Variants in ERBB4 observed in about 807,000 individuals in gnomAD.
ERBB4 encodes the protein receptor tyrosine-protein kinase erbB-4.
Under a neutral mutation model 158.0 loss-of-function variants are expected in ERBB4, and 42 were observed. The ratio of observed to expected loss-of-function variants is 0.27; its 90% confidence interval spans 0.21 to 0.34. The LOEUF (loss-of-function observed/expected upper bound fraction) is 0.34, where lower values mean the gene tolerates loss of function less well. ERBB4 is among the 10% of genes least tolerant of loss of function. The pLI is 1.00. For missense variants in ERBB4, 1,333 were observed against 1,624.1 expected (o/e 0.82, Z 3.08); for synonymous variants, 583 against 558.7 (o/e 1.04, Z -0.61).
chr2:211,501,547 T>A (rs1317668362), intron 20 of ERBB4, among the ~76,000 whole-genome samples: 8 of 151,942 alleles, frequency 5.3e-5, no homozygotes, highest in East Asian at 1.9e-4. Context: ...GTGTTTTTTT[T>A]AGAAAACAAT....
Position 211,842,671 on chromosome 2 carries a change from T to C in ERBB4, c.422-54512A>G, listed in dbSNP as rs1022971092. On this transcript the variant is annotated intron_variant, in intron 3 of 27. Transcript: ENST00000342788. ...GGAATAGTCTTTGAAATTAGAAATA[T>C]CACCTCACCTCCCGCCACTGACACA... Among the ~76,000 whole-genome samples the C allele has an allele frequency of 4.6e-5, 7 of 152,048 alleles. No individual in the cohort carries two copies. In the South Asian group the frequency reaches 8.3e-4, roughly 18 times the overall value.
intron 20 of ERBB4, among the ~76,000 whole-genome samples, chr2:211,472,090 T>C (rs1209707085): frequency 1.3e-5 from 2 of 152,028 alleles, no homozygotes; most frequent in Non-Finnish European, 2.9e-5. Flanking sequence ...TTTAAAAGAT[T>C]AAGCAATTTG....
At chr2:211,641,572 A>C (rs2070593207) in intron 16 of ERBB4, among the ~76,000 whole-genome samples, 1 of 152,150 alleles carries the variant, frequency 6.6e-6, no homozygotes, top group African/African-American at 2.4e-5. Flanking sequence ...AAAATTTGAC[A>C]TTAAATATTA....
chr2:211,920,996 A>C (rs1473444671), intron 3 of ERBB4, among the ~76,000 whole-genome samples: 1 of 152,000 alleles, frequency 6.6e-6, no homozygotes, highest in African/African-American at 2.4e-5. Flanking sequence ...TTTAAGCACA[A>C]ATATATATAA....
chr2:212,502,654 G>A (rs1348937259), intron 1 of ERBB4, among the ~76,000 whole-genome samples: 1 of 152,110 alleles, frequency 6.6e-6, no homozygotes, highest in African/African-American at 2.4e-5. Flanking sequence ...TCTTAGAGTT[G>A]GGTATGTCAA....
chr2:212,527,470 A>G (rs1467009674), intron 1 of ERBB4, among the ~76,000 whole-genome samples: 1 of 152,046 alleles, frequency 6.6e-6, no homozygotes, highest in Non-Finnish European at 1.5e-5. Context: ...AAAATTGTAT[A>G]ATGACACCCA....
At chr2:211,641,677 A>G (rs551898026) in intron 16 of ERBB4, among the ~76,000 whole-genome samples, 2 of 152,172 alleles carry the variant, frequency 1.3e-5, no homozygotes, top group African/African-American at 4.8e-5. Flanking sequence ...GGTAGTTTTT[A>G]TAGAAGAAAC....
At chr2:211,523,288 C>T (rs2066239753) in intron 20 of ERBB4, among the ~76,000 whole-genome samples, 1 of 146,940 alleles carries the variant, frequency 6.8e-6, no homozygotes, top group Admixed American at 7.1e-5. Flanking sequence ...AATGCAACCC[C>T]TCACACATCC....
intron 2 of ERBB4, among the ~76,000 whole-genome samples, chr2:212,104,822 A>C (rs1303143718): frequency 6.6e-6 from 1 of 152,176 alleles, no homozygotes; most frequent in Non-Finnish European, 1.5e-5. Flanking sequence ...CAAAATTGAA[A>C]AAATAAGTAT....
intron 25 of ERBB4, among the ~76,000 whole-genome samples, chr2:211,410,212 A>G (rs3828242): frequency 0.22 from 33,766 of 152,130 alleles, 4,460 homozygotes; most frequent in East Asian, 0.3. Context: ...ATACGCAATG[A>G]ATAATGTATT....
chr2:212,440,771 G>C (rs187782788), intron 1 of ERBB4, among the ~76,000 whole-genome samples: 1 of 152,220 alleles, frequency 6.6e-6, no homozygotes, highest in African/African-American at 2.4e-5. Flanking sequence ...CCACTCGTGA[G>C]AGGCAAAGAG....
chr2:211,606,810 T>C (rs2068997971), intron 19 of ERBB4, among the ~76,000 whole-genome samples: 2 of 152,180 alleles, frequency 1.3e-5, no homozygotes, highest in African/African-American at 4.8e-5. Context: ...ATTAAGTAAG[T>C]GAATGCTGCA....
Position 211,638,050 on chromosome 2 carries a change from T to G in ERBB4, c.1947-7456A>C, listed in dbSNP as rs2070426578. Among the ~76,000 whole-genome samples, 3 of 152,154 alleles carry G rather than the reference T, an allele frequency of 2.0e-5. No homozygotes were observed. In the South Asian group the frequency reaches 6.2e-4, roughly 31 times the overall value. Reference sequence around the variant, plus strand: ...TTTATCTGTATTGCTATATTCATTGTGATTTACTTTTATTAAATCCTTTAT... The same window carrying G: ...TTTATCTGTATTGCTATATTCATTGGGATTTACTTTTATTAAATCCTTTAT... On this transcript the variant is annotated intron_variant, in intron 16 of 27. Transcript: ENST00000342788.
intron 1 of ERBB4, among the ~76,000 whole-genome samples, chr2:212,179,723 T>A (rs576994406): frequency 7.3e-5 from 11 of 151,632 alleles, no homozygotes; most frequent in Non-Finnish European, 1.3e-4. Context: ...CTATAAATCA[T>A]AGATGATAGA....
intron 12 of ERBB4, among the ~76,000 whole-genome samples, chr2:211,694,323 T>A (rs974426703): frequency 1.2e-4 from 19 of 152,268 alleles, no homozygotes; most frequent in African/African-American, 4.6e-4. Flanking sequence ...CAGGTTAAAA[T>A]ATCACCCACC....
At chr2:211,396,903 G>A (rs372672559) in intron 25 of ERBB4, among the ~76,000 whole-genome samples, 5 of 152,154 alleles carry the variant, frequency 3.3e-5, no homozygotes, top group African/African-American at 9.7e-5. Context: ...AGCTGTTGCC[G>A]TAAGTAAAAA....
At chr2:211,861,085 A>AT (rs1318788651) in intron 3 of ERBB4, among the ~76,000 whole-genome samples, 23 of 41,528 alleles carry the variant, frequency 5.5e-4, no homozygotes, top group South Asian at 8.3e-4. Flanking sequence ...TATATATTAT[A>AT]AAATATATAA....
At chr2:211,885,538 C>T (rs1455864337) in intron 3 of ERBB4, among the ~76,000 whole-genome samples, 1 of 152,014 alleles carries the variant, frequency 6.6e-6, no homozygotes, top group Non-Finnish European at 1.5e-5. Context: ...TCACTGCAAC[C>T]TCAATCTCCT....
intron 1 of ERBB4, among the ~76,000 whole-genome samples, chr2:212,169,041 G>A (rs1239501650): frequency 6.6e-6 from 1 of 152,122 alleles, no homozygotes; most frequent in African/African-American, 2.4e-5. Flanking sequence ...GTAAAGACGT[G>A]AGGAATAAGG....
Sources: gnomAD v4.1 joint callset for allele counts (sites outside exome capture counted in the v4.1 genomes callset) on GRCh38, gnomAD v4.1.1 for gene constraint, MANE v1.5 for transcripts, NCBI Gene and HGNC (gene_info 2026-07-23, HGNC 2026-07-21) for gene names.